The following PHACTR1 variants were observed in gnomAD, a reference collection of about 807,000 sequenced individuals.
PHACTR1 encodes RPEL repeat containing 1.
Under a neutral mutation model 69.2 loss-of-function variants are expected in PHACTR1, and 16 were observed. The observed-to-expected ratio is 0.23, with a 90% confidence interval of 0.16 to 0.35. The LOEUF is 0.35. Ranked by LOEUF, PHACTR1 falls within the 10% of genes least tolerant of loss-of-function variation. The pLI is 1.00. For synonymous variants in PHACTR1, 312 were observed against 284.5 expected, an observed-to-expected ratio of 1.10 and a Z score of -0.97; for missense variants, 510 against 734.7, an observed-to-expected ratio of 0.69 and a Z score of 3.54.
At chr6:13,088,780 G>C (rs76882120) in intron 5 of PHACTR1, among the ~76,000 whole-genome samples, 3,849 of 152,198 alleles carry the variant, frequency 0.025, 168 homozygotes, top group African/African-American at 0.087. Flanking sequence ...TCTAAGGTCA[G>C]CTTTGACATT....
At chr6:12,788,908 A>G (rs1376110077) in intron 4 of PHACTR1, among the ~76,000 whole-genome samples, 3 of 152,238 alleles carry the variant, frequency 2.0e-5, no homozygotes, top group African/African-American at 7.2e-5. Flanking sequence ...GAGAGGAATA[A>G]TGTGAGTTAG....
chr6:13,068,962 C>T (rs1439459858), intron 5 of PHACTR1, among the ~76,000 whole-genome samples: 3 of 152,154 alleles, frequency 2.0e-5, no homozygotes, highest in Non-Finnish European at 1.5e-5. Flanking sequence ...GCTATAACTA[C>T]TTAGGCTGAA....
intron 4 of PHACTR1, among the ~76,000 whole-genome samples, chr6:12,900,551 C>T (rs891117125): frequency 6.6e-6 from 1 of 152,084 alleles, no homozygotes; most frequent in African/African-American, 2.4e-5. Context: ...AAATACACTA[C>T]GCCAGGCGTA....
intron 5 of PHACTR1, among the ~76,000 whole-genome samples, chr6:13,157,730 G>A (rs1488589447): frequency 6.6e-6 from 1 of 152,168 alleles, no homozygotes; most frequent in Non-Finnish European, 1.5e-5. Context: ...ATGCGGTTAA[G>A]TACAGAAGGG....
intron 5 of PHACTR1, among the ~76,000 whole-genome samples, chr6:13,086,744 T>G (rs1812382276): frequency 6.6e-6 from 1 of 152,170 alleles, no homozygotes; most frequent in Admixed American, 6.6e-5. Flanking sequence ...GTTTCTAGGT[T>G]TAGGCTATTA....
chr6:12,828,969 A>G lies in PHACTR1; in HGVS notation c.250+79179A>G, dbSNP rs560822377. 7.2e-5 allele frequency among the ~76,000 whole-genome samples: 11 copies of G among 152,316 alleles called. No individual in the cohort carries two copies. In the East Asian group the frequency reaches 2.1e-3, roughly 29 times the overall value. The stretch of plus-strand genomic sequence containing the variant: ...AAAAATCTAGAAGAGAGGATTTTGA[A>G]AGAAATCGTGAATGTTTGAGGTGAT... On this transcript the variant is annotated intron_variant, in intron 4 of 14. Transcript: ENST00000332995.
At chr6:12,763,035 G>C (rs762073217) in intron 4 of PHACTR1, among the ~76,000 whole-genome samples, 8 of 152,160 alleles carry the variant, frequency 5.3e-5, no homozygotes, top group Non-Finnish European at 1.2e-4. Flanking sequence ...CCAACGTGGA[G>C]AAACCCCGTC....
At chr6:13,278,615 C>T (rs1282326356) in intron 12 of PHACTR1, among the ~76,000 whole-genome samples, 2 of 152,170 alleles carry the variant, frequency 1.3e-5, no homozygotes, top group East Asian at 3.8e-4. Context: ...TTTTGTTTTA[C>T]AAAATTCACT....
In PHACTR1 at chr6:12,914,637, C is replaced by T. The variant is rs375615535; in HGVS notation, c.251-138728C>T. On this transcript the variant is annotated intron_variant, in intron 4 of 14. Coordinates refer to ENST00000332995, the MANE Select transcript of PHACTR1 (RefSeq NM_030948.6). ...ACCACCAAAAGATTTTCCTCCTTCTCAGTCTCAATAAGGACCACCATCCAC... is the reference window on the plus strand; with the variant it reads ...ACCACCAAAAGATTTTCCTCCTTCTTAGTCTCAATAAGGACCACCATCCAC... Among the ~76,000 whole-genome samples the T allele has an allele frequency of 1.3e-4, 20 of 152,176 alleles. No homozygotes were observed. The East Asian group carries it at 2.9e-3, about 22-fold the overall frequency.
chr6:12,991,008 C>T (rs964843534), intron 4 of PHACTR1, among the ~76,000 whole-genome samples: 4 of 151,998 alleles, frequency 2.6e-5, no homozygotes, highest in South Asian at 4.2e-4. Flanking sequence ...GATAGCAGGG[C>T]GAGGCAGGCC....
intron 4 of PHACTR1, among the ~76,000 whole-genome samples, chr6:12,791,689 A>G (rs1367190894): frequency 3.9e-5 from 6 of 152,258 alleles, no homozygotes; most frequent in Non-Finnish European, 4.4e-5. Context: ...TCAGAAGATT[A>G]TATGAGACCA....
At chr6:13,256,343 C>T (rs552010445) in intron 10 of PHACTR1, among the ~76,000 whole-genome samples, 1 of 152,370 alleles carries the variant, frequency 6.6e-6, no homozygotes, top group East Asian at 1.9e-4. Flanking sequence ...GTGAAGGTCT[C>T]TGAAGTGGCT....
intron 4 of PHACTR1, among the ~76,000 whole-genome samples, chr6:12,863,623 A>C (rs1781154025): frequency 6.6e-6 from 1 of 152,254 alleles, no homozygotes; most frequent in South Asian, 2.1e-4. Flanking sequence ...TGATCACAGA[A>C]GTGCAGTCCT....
intron 4 of PHACTR1, among the ~76,000 whole-genome samples, chr6:12,980,306 C>T (rs1435685556): frequency 6.6e-6 from 1 of 152,090 alleles, no homozygotes; most frequent in Non-Finnish European, 1.5e-5. Context: ...CTGTTGATTT[C>T]TATTTGCTCT....
At chr6:13,273,003 G>T in intron 11 of PHACTR1, 88 bp downstream of exon 11, 1 of 1,550,540 alleles carries the variant, frequency 6.4e-7, no homozygotes, top group Admixed American at 1.9e-5. Context: ...TCTACCTTGC[G>T]CCTCTGCGGA....
chr6:12,745,131 TTTAC>T (rs1198152824), intron 3 of PHACTR1, among the ~76,000 whole-genome samples: 1 of 151,928 alleles, frequency 6.6e-6, no homozygotes, highest in Non-Finnish European at 1.5e-5. Context: ...AAGGGTAAGG[TTTAC>T]TTACTTGAAA....
At chr6:12,971,545 C>T (rs993766458) in intron 4 of PHACTR1, among the ~76,000 whole-genome samples, 12 of 152,158 alleles carry the variant, frequency 7.9e-5, no homozygotes, top group South Asian at 2.1e-4. Context: ...TCCATGTATA[C>T]GAAATGTCCA....
At chr6:12,810,351 T>G (rs2127694093) in intron 4 of PHACTR1, among the ~76,000 whole-genome samples, 1 of 152,272 alleles carries the variant, frequency 6.6e-6, no homozygotes, top group South Asian at 2.1e-4. Flanking sequence ...TGTTTGTTTG[T>G]TTTTGCCTAA....
chr6:13,173,002 TA>T (rs1319035356), intron 6 of PHACTR1, among the ~76,000 whole-genome samples: 1 of 152,126 alleles, frequency 6.6e-6, no homozygotes, highest in Non-Finnish European at 1.5e-5. Context: ...CAGGTAGGGG[TA>T]AAAAAACTGG....
Sources: gnomAD v4.1 joint callset for allele counts (sites outside exome capture counted in the v4.1 genomes callset) on GRCh38, gnomAD v4.1.1 for gene constraint, MANE v1.5 for transcripts, NCBI Gene and HGNC (gene_info 2026-07-23, HGNC 2026-07-21) for gene names.